The following LNX1 variants were observed in gnomAD, a reference collection of about 807,000 sequenced individuals.
LNX1 encodes ligand of numb-protein X 1, also known as E3 ubiquitin-protein ligase LNX.
Under a neutral mutation model 68.4 loss-of-function variants are expected in LNX1, and 54 were observed. The observed-to-expected ratio is 0.79, with a 90% CI of 0.63 to 0.99. LNX1 has a LOEUF of 0.99. Among genes scored for constraint, LNX1 ranks in the 50% least tolerant of loss-of-function variants. LNX1 has a pLI of 0.00. For missense variants in LNX1, 906 were observed against 926.4 expected, an observed-to-expected ratio of 0.98 and a Z score of 0.29; for synonymous variants, 336 against 350.0, an observed-to-expected ratio of 0.96 and a Z score of 0.45.
chr4:53,529,898 A>G (rs1727899240), intron 2 of LNX1, among the ~76,000 whole-genome samples: 2 of 152,202 alleles, frequency 1.3e-5, no homozygotes, highest in Admixed American at 6.5e-5. Flanking sequence ...ATTCCAAGAC[A>G]TGTACAGAGA....
chr4:53,495,686 G>T (rs1725001427), intron 6 of LNX1, among the ~76,000 whole-genome samples: 1 of 151,990 alleles, frequency 6.6e-6, no homozygotes, highest in Non-Finnish European at 1.5e-5. Flanking sequence ...AGGATTACAG[G>T]CACCTGCCAC....
At chr4:53,469,836 G>A (rs1427146476) in intron 9 of LNX1, among the ~76,000 whole-genome samples, 1 of 152,158 alleles carries the variant, frequency 6.6e-6, no homozygotes, top group Non-Finnish European at 1.5e-5. Flanking sequence ...CTCTGAAATT[G>A]AGGCAATAAT....
chr4:53,567,398 G>A (rs1254423771), intron 2 of LNX1, among the ~76,000 whole-genome samples: 3 of 149,828 alleles, frequency 2.0e-5, no homozygotes, highest in African/African-American at 7.4e-5. Flanking sequence ...AATGACTACT[G>A]GGTACATAAC....
chr4:53,493,933 G>A (rs1458274474), intron 6 of LNX1, among the ~76,000 whole-genome samples: 1 of 152,182 alleles, frequency 6.6e-6, no homozygotes, highest in African/African-American at 2.4e-5. Flanking sequence ...TGGCTTTGCG[G>A]ATAAAGTCTG....
intron 5 of LNX1, 192 bp from the exon 6 acceptor site, chr4:53,496,586 C>G: frequency 1.7e-6 from 1 of 586,756 alleles, no homozygotes; most frequent in Non-Finnish European, 2.9e-6. Context: ...CCTGCAGCAC[C>G]TCTCCAGGCC....
chr4:53,618,852 G>A (rs1189164424), upstream of LNX1, among the ~76,000 whole-genome samples: 2 of 152,082 alleles, frequency 1.3e-5, no homozygotes, highest in East Asian at 1.9e-4. Context: ...AAAAAAATTT[G>A]GTCTGATTTC....
chr4:53,612,534 TAC>T (rs1445388290), intron 2 of LNX1, among the ~76,000 whole-genome samples: 2 of 152,078 alleles, frequency 1.3e-5, no homozygotes, highest in Admixed American at 6.5e-5. Context: ...GATGGAAAAA[TAC>T]AGTCATTAAG....
chr4:53,597,228 G>T (rs1454336304), intron 2 of LNX1, among the ~76,000 whole-genome samples: 2 of 152,154 alleles, frequency 1.3e-5, no homozygotes, highest in African/African-American at 2.4e-5. Context: ...TGATATTCCT[G>T]ATCAGTCCCT....
Position 53,507,321 on chromosome 4 carries a change from A to C in LNX1, c.771T>G (p.Pro257=). 1 of 1,613,974 alleles carries C rather than the reference A, an allele frequency of 6.2e-7. No individual in the cohort carries two copies. The highest frequency in any genetic ancestry group is 8.5e-7 in the Non-Finnish European group (1 of 1,179,948). ...CCTTATGGGGAGTTCATTTACCTTCAGGGGCAGTGGTGTTTTCAGAATTTT... is the reference window on the plus strand; with the variant it reads ...CCTTATGGGGAGTTCATTTACCTTCCGGGGCAGTGGTGTTTTCAGAATTTT... The part of the protein sequence containing the change: ...GRENSENTTA[P]EVFPRLYHLI... The change falls in exon 4 of 11, where the codon CCT becomes CCG. Residue 257 remains proline, a synonymous_variant. Transcript: ENST00000263925.
chr4:53,640,786 T>G (rs1446061065), intron 1 of LNX1, among the ~76,000 whole-genome samples: 1 of 152,280 alleles, frequency 6.6e-6, no homozygotes, highest in Non-Finnish European at 1.5e-5. Context: ...GTTTCTTTCC[T>G]GTGACCAGTA....
intron 9 of LNX1, among the ~76,000 whole-genome samples, chr4:53,469,025 A>T (rs532227432): frequency 6.6e-6 from 1 of 152,362 alleles, no homozygotes; most frequent in East Asian, 1.9e-4. Flanking sequence ...ACCCTAAATC[A>T]ACAGAATATA....
At chr4:53,461,206 A>T (rs1365505229) in intron 10 of LNX1, among the ~76,000 whole-genome samples, 164 bp from the exon 11 acceptor site, 1 of 152,112 alleles carries the variant, frequency 6.6e-6, no homozygotes, top group Non-Finnish European at 1.5e-5. Flanking sequence ...CTCCAAACTC[A>T]CTATCCATTC....
intron 2 of LNX1, among the ~76,000 whole-genome samples, chr4:53,526,131 A>G (rs1727593879): frequency 6.6e-6 from 1 of 152,080 alleles, no homozygotes; most frequent in Non-Finnish European, 1.5e-5. Flanking sequence ...AAAAAAGATA[A>G]CATACGCCAC....
At chr4:53,643,280 A>T (rs772808582) in intron 1 of LNX1, among the ~76,000 whole-genome samples, 12 of 152,034 alleles carry the variant, frequency 7.9e-5, no homozygotes, top group South Asian at 4.1e-4. Context: ...TCTCCTGGGC[A>T]GCTGGGACCA....
At chr4:53,551,632 C>A (rs1245632299) in intron 2 of LNX1, among the ~76,000 whole-genome samples, 2 of 152,184 alleles carry the variant, frequency 1.3e-5, no homozygotes, top group African/African-American at 4.8e-5. Flanking sequence ...AGGGAAGAAT[C>A]AGGGGAGAAG....
At chr4:53,508,356 G>A (rs755174269) in intron 2 of LNX1, 129 bp from the exon 3 acceptor site, 18 of 1,121,784 alleles carry the variant, frequency 1.6e-5, no homozygotes, top group Non-Finnish European at 2.1e-5. Flanking sequence ...TTTGCCTGCC[G>A]CTATATCCTC....
At position 53,570,537 on chromosome 4, in the gene LNX1, A is replaced by C. The variant is rs1166476474; in HGVS notation, c.380+3086T>G. Among the ~76,000 whole-genome samples the C allele has an allele frequency of 2.8e-3, 334 of 119,598 alleles. 2 individuals carry two copies. Among genetic ancestry groups the C allele is most frequent in the African/African-American group, 0.01 (323 of 31,992 alleles). 78.5% of individuals were successfully genotyped at this position (119,598 alleles called of 152,430 possible). A position where few individuals can be genotyped will look rare whatever the true frequency, so the allele number is the denominator to read the frequency against. The stretch of plus-strand genomic sequence containing the variant: ...TGTGGGGTGGGGGGAGGGGGGAGGG[A>C]TAGCATTGGGCGATATACCTAATGC... On this transcript the variant is annotated intron_variant, in intron 2 of 10. Transcript: ENST00000263925.
chr4:53,493,288 T>C (rs1724832096), intron 6 of LNX1, among the ~76,000 whole-genome samples: 1 of 152,188 alleles, frequency 6.6e-6, no homozygotes, highest in South Asian at 2.1e-4. Flanking sequence ...CTTCTAACTC[T>C]GGTTTTGTTC....
intron 9 of LNX1, among the ~76,000 whole-genome samples, chr4:53,471,832 AAAC>A (rs1471309971): frequency 6.6e-6 from 1 of 152,164 alleles, no homozygotes; most frequent in Non-Finnish European, 1.5e-5. Context: ...AAAAGTCAGG[AAAC>A]AACAGGTGCT....
Sources: gnomAD v4.1 joint callset for allele counts (sites outside exome capture counted in the v4.1 genomes callset) on GRCh38, gnomAD v4.1.1 for gene constraint, MANE v1.5 for transcripts, NCBI Gene and HGNC (gene_info 2026-07-23, HGNC 2026-07-21) for gene names.